Variants in SNAP23 observed in about 807,000 individuals in gnomAD.
SNAP23 encodes synaptosome associated protein 23.
SNAP23 carries 11 observed loss-of-function variants against 29.0 expected under a neutral mutation model. The ratio of observed to expected loss-of-function variants is 0.38; its 90% confidence interval spans 0.24 to 0.63. SNAP23 has a LOEUF of 0.63. SNAP23 is among the 20% of genes least tolerant of loss of function. SNAP23 has a pLI of 0.58. For missense variants in SNAP23, 220 were observed against 253.9 expected, an observed-to-expected ratio of 0.87 and a Z score of 0.91; for synonymous variants, 60 against 82.9, an observed-to-expected ratio of 0.72 and a Z score of 1.50.
At position 42,528,365 on chromosome 15, in the gene SNAP23, A is replaced by T; in HGVS notation, c.370A>T (p.Asn124Tyr). The change falls in exon 6 of 8, where the codon AAT becomes TAT. Residue 124 changes from asparagine to tyrosine, a missense_variant. Asn to Tyr is a moderately radical substitution (Grantham distance 143). Transcript: ENST00000249647. Reference protein sequence around the residue: ...VVSKQPGPVTNGQLQQPTTGA... With the variant: ...VVSKQPGPVTYGQLQQPTTGA... ...ATCTAAACAGCCAGGCCCGGTGACA[A>T]ATGGTCAGCTTCAGCAACCAACAAC... 1 of 1,614,120 alleles carries T rather than the reference A, an allele frequency of 6.2e-7. No individual in the cohort carries two copies. Among genetic ancestry groups the T allele is most frequent in the Non-Finnish European group, 8.5e-7 (1 of 1,180,014 alleles).
At chr15:42,494,944 C>T (rs1463398875), upstream of SNAP23, among the ~76,000 whole-genome samples, 2 of 152,138 alleles carry the variant, frequency 1.3e-5, no homozygotes, top group African/African-American at 4.8e-5. Context: ...CTTTCAGTGC[C>T]CCTAGTACAA....
At chr15:42,501,744 A>G (rs997393145) in intron 1 of SNAP23, among the ~76,000 whole-genome samples, 1 of 152,216 alleles carries the variant, frequency 6.6e-6, no homozygotes, top group Admixed American at 6.5e-5. Flanking sequence ...AATTATTATG[A>G]AAAGTTATAA....
intron 1 of SNAP23, among the ~76,000 whole-genome samples, 195 bp from the exon 2 acceptor site, chr15:42,511,638 A>G (rs1302991620): frequency 6.6e-6 from 1 of 152,208 alleles, no homozygotes; most frequent in East Asian, 1.9e-4. Context: ...TGGCACTCTT[A>G]TTAAACATTC....
intron 5 of SNAP23, among the ~76,000 whole-genome samples, chr15:42,526,788 T>C (rs1344291672): frequency 6.6e-6 from 1 of 152,114 alleles, no homozygotes; most frequent in Admixed American, 6.6e-5. Context: ...CCATTTTTTT[T>C]TCCCTGTAAT....
intron 5 of SNAP23, chr15:42,521,633 GCT>G: frequency 6.6e-7 from 1 of 1,507,958 alleles, no homozygotes; most frequent in Non-Finnish European, 8.9e-7. Context: ...CAGAAGCCGG[GCT>G]CAGTAACTGA....
At chr15:42,531,306 C>T (rs577294318) in intron 7 of SNAP23, 107 bp from the exon 8 acceptor site, 27 of 627,482 alleles carry the variant, frequency 4.3e-5, no homozygotes, top group African/African-American at 2.8e-4. Flanking sequence ...TGTAACTTCA[C>T]GTGGTTTCTT....
At chr15:42,514,569 A>G (rs1049730214) in intron 4 of SNAP23, among the ~76,000 whole-genome samples, 3 of 151,924 alleles carry the variant, frequency 2.0e-5, no homozygotes, top group African/African-American at 7.3e-5. Context: ...AGTTTTTATT[A>G]CTCTTATAAT....
At chr15:42,491,550 A>G (rs1283026256), upstream of SNAP23, 1 of 152,270 alleles carries the variant, frequency 6.6e-6, no homozygotes, top group Non-Finnish European at 1.5e-5. Flanking sequence ...TGGACTAGCT[A>G]CGAATAATTT....
intron 4 of SNAP23, 71 bp downstream of exon 4, chr15:42,513,518 T>A: frequency 7.9e-7 from 1 of 1,273,196 alleles, no homozygotes; most frequent in Non-Finnish European, 1.1e-6. Flanking sequence ...ATTAGCCACA[T>A]ACAAATTTCA....
intron 2 of SNAP23, 30 bp from the exon 3 acceptor site, chr15:42,512,925 G>T: frequency 1.3e-6 from 2 of 1,567,772 alleles, no homozygotes; most frequent in Admixed American, 1.7e-5. Flanking sequence ...TACATATTTT[G>T]GAATGCTAAA....
At chr15:42,519,377 CTT>C (rs767500493) in intron 5 of SNAP23, among the ~76,000 whole-genome samples, 6 of 139,004 alleles carry the variant, frequency 4.3e-5, no homozygotes, top group Non-Finnish European at 1.6e-5. Context: ...TTTTCTTTTT[CTT>C]TTTTTTTTTT....
chr15:42,510,583 C>T (rs1028838186), intron 1 of SNAP23, among the ~76,000 whole-genome samples: 3 of 152,094 alleles, frequency 2.0e-5, no homozygotes, highest in African/African-American at 4.8e-5. Context: ...TTTGAGAGTA[C>T]ACCCTGTTTT....
rs559756390 is a variant in SNAP23 at position 42,499,351 on chromosome 15, C to T, written c.-15+3638C>T. Among the ~76,000 whole-genome samples the T allele has an allele frequency of 2.6e-5, 4 of 152,264 alleles. No homozygotes were observed. The South Asian group carries it at 8.3e-4, about 32-fold the overall frequency. ...CCTCCCAAAGTGTTGGGATTACAGG[C>T]GTGAGCCACCGCGCCCGGTCTAAGG... is the stretch of plus-strand genomic sequence containing the variant. On this transcript the variant is annotated intron_variant, in intron 1 of 7. Coordinates refer to ENST00000249647, the MANE Select transcript of SNAP23 (RefSeq NM_003825.4).
chr15:42,522,842 CTTTTTTTTT>C (rs5812226), intron 5 of SNAP23, among the ~76,000 whole-genome samples: 1 of 91,054 alleles, frequency 1.1e-5, no homozygotes, highest in Non-Finnish European at 1.9e-5. Flanking sequence ...TAAAACTTGC[CTTTTTTTTT>C]TTTTTTTTTT....
At chr15:42,502,527 A>G (rs2057281453) in intron 1 of SNAP23, among the ~76,000 whole-genome samples, 1 of 152,152 alleles carries the variant, frequency 6.6e-6, no homozygotes, top group Non-Finnish European at 1.5e-5. Flanking sequence ...ACCTAAATAA[A>G]TAAATAAATA....
upstream of SNAP23, chr15:42,491,525 C>A (rs2057163496): frequency 1.3e-5 from 2 of 152,220 alleles, no homozygotes; most frequent in Non-Finnish European, 2.9e-5. Context: ...ACAGCCAGAC[C>A]TGAGTTTCAG....
intron 1 of SNAP23, among the ~76,000 whole-genome samples, chr15:42,504,665 C>CA (rs1229255556): frequency 2.9e-5 from 4 of 137,102 alleles, no homozygotes; most frequent in East Asian, 2.2e-4. Flanking sequence ...TTAATCTTCA[C>CA]AAAAAAAACA....
intron 6 of SNAP23, 52 bp from the exon 7 acceptor site, chr15:42,529,623 C>A (rs1380928367): frequency 1.9e-6 from 3 of 1,583,218 alleles, no homozygotes; most frequent in Non-Finnish European, 1.7e-6. Context: ...TAAATCCAGA[C>A]TTTTATTTAA....
chr15:42,512,071 A>G (rs983728279), intron 2 of SNAP23, 168 bp downstream of exon 2: 3 of 394,554 alleles, frequency 7.6e-6, no homozygotes, highest in African/African-American at 2.1e-5. Flanking sequence ...TTAACTCACC[A>G]GAAAACTAAA....
Sources: allele counts gnomAD v4.1 joint callset (sites outside exome capture counted in the v4.1 genomes callset), GRCh38; gene constraint gnomAD v4.1.1; transcripts MANE v1.5; gene names NCBI Gene and HGNC (gene_info 2026-07-23, HGNC 2026-07-21).